Variants in SNX29 observed in about 807,000 individuals in gnomAD.
SNX29 encodes sorting nexin 29, also known as sorting nexin-29.
A neutral mutation model predicts 102.1 loss-of-function variants in SNX29; 78 were observed. That is an observed-to-expected ratio of 0.76 (90% CI 0.64 to 0.92). SNX29 has a LOEUF of 0.92. Among genes scored for constraint, SNX29 ranks in the 40% least tolerant of loss-of-function variants. The pLI, the probability that SNX29 is intolerant of heterozygous loss-of-function variation, is 0.00. For missense variants in SNX29, 1,280 were observed against 1,061.7 expected, an observed-to-expected ratio of 1.21 and a Z score of -2.86; for synonymous variants, 580 against 414.5, an observed-to-expected ratio of 1.40 and a Z score of -4.85.
intron 4 of SNX29, among the ~76,000 whole-genome samples, chr16:12,039,843 A>G (rs949717676): frequency 3.3e-5 from 5 of 152,116 alleles, no homozygotes; most frequent in African/African-American, 1.2e-4. Flanking sequence ...GAGTCGCTTC[A>G]CTTGTCCTGG....
In SNX29 at chr16:12,278,107, C is replaced by T; in HGVS notation, c.1782+71C>T. The T allele has an allele frequency of 3.6e-6, 5 of 1,377,070 alleles. No individual in the cohort carries two copies. The South Asian group carries it at 5.0e-5, about 14-fold the overall frequency. 85.3% of individuals were successfully genotyped at this position (1,377,070 alleles called of 1,614,324 possible). On this transcript the variant is annotated intron_variant, in intron 15 of 20. Coordinates refer to ENST00000566228, the MANE Select transcript of SNX29 (RefSeq NM_032167.5). ...CGTTGGAGACTTTCCAGGGTAGGTC[C>T]AGCCTATTCTAAAGACACGTGAGCA... is the stretch of plus-strand genomic sequence containing the variant.
intron 15 of SNX29, among the ~76,000 whole-genome samples, chr16:12,338,193 G>A (rs1297940184): frequency 6.6e-6 from 1 of 152,212 alleles, no homozygotes; most frequent in Non-Finnish European, 1.5e-5. Flanking sequence ...CGCCTCTGCA[G>A]TTTGCCGAAA....
At chr16:12,555,311 C>T (rs1031167112) in intron 20 of SNX29, among the ~76,000 whole-genome samples, 1 of 151,634 alleles carries the variant, frequency 6.6e-6, no homozygotes, top group Non-Finnish European at 1.5e-5. Flanking sequence ...CAATCCCTCT[C>T]ATAGCCCCAG....
chr16:12,045,286 T>C (rs1455531006), intron 5 of SNX29, among the ~76,000 whole-genome samples: 2 of 152,224 alleles, frequency 1.3e-5, no homozygotes, highest in East Asian at 1.9e-4. Flanking sequence ...CTACAGGTCA[T>C]GTATCCCTGA....
intron 14 of SNX29, among the ~76,000 whole-genome samples, chr16:12,256,690 A>G (rs1230185662): frequency 6.6e-6 from 1 of 152,160 alleles, no homozygotes; most frequent in Non-Finnish European, 1.5e-5. Context: ...AGTGCCTGCT[A>G]TGTGCCAGGT....
chr16:12,545,282 C>T (rs2077539481), intron 20 of SNX29, among the ~76,000 whole-genome samples: 1 of 152,204 alleles, frequency 6.6e-6, no homozygotes, highest in African/African-American at 2.4e-5. Context: ...AATTGGTTTG[C>T]CACTTCGCCC....
At chr16:12,527,886 A>G (rs28387054) in intron 20 of SNX29, among the ~76,000 whole-genome samples, 5,601 of 146,870 alleles carry the variant, frequency 0.038, 188 homozygotes, top group East Asian at 0.096. Flanking sequence ...GTCCAGTGGC[A>G]TGATCTCGGC....
intron 20 of SNX29, among the ~76,000 whole-genome samples, chr16:12,566,674 G>A (rs761387201): frequency 2.2e-5 from 3 of 138,950 alleles, no homozygotes; most frequent in Non-Finnish European, 3.1e-5. Context: ...GAGCATTCAG[G>A]GATAAAGAGG....
intron 19 of SNX29, among the ~76,000 whole-genome samples, chr16:12,508,072 TCA>T (rs778397267): frequency 1.3e-5 from 2 of 152,242 alleles, no homozygotes; most frequent in Non-Finnish European, 2.9e-5. Flanking sequence ...TCTGTGAGTT[TCA>T]GTGTTCTTAC....
At chr16:12,417,844 C>T (rs1284228129) in intron 18 of SNX29, among the ~76,000 whole-genome samples, 2 of 152,020 alleles carry the variant, frequency 1.3e-5, no homozygotes, top group African/African-American at 4.8e-5. Context: ...CTGCCTCTCC[C>T]TGTTTTTCTT....
At chr16:12,459,185 T>C (rs1416569153) in intron 18 of SNX29, among the ~76,000 whole-genome samples, 2 of 124,162 alleles carry the variant, frequency 1.6e-5, no homozygotes, top group African/African-American at 5.9e-5. Context: ...CCTACCCGCC[T>C]TTTCCCCCTT....
intron 20 of SNX29, among the ~76,000 whole-genome samples, chr16:12,545,330 G>A (rs376603376): frequency 7.5e-5 from 9 of 119,368 alleles, no homozygotes; most frequent in African/African-American, 2.1e-4. Context: ...CCAGAGAAAG[G>A]GTGTCACATA....
At chr16:12,558,217 A>C (rs759310768) in intron 20 of SNX29, among the ~76,000 whole-genome samples, 17 of 76,298 alleles carry the variant, frequency 2.2e-4, no homozygotes, top group Non-Finnish European at 3.9e-4. Flanking sequence ...GAACCATCAC[A>C]GAGCCTCTCT....
intron 15 of SNX29, among the ~76,000 whole-genome samples, chr16:12,300,930 G>A (rs2151097330): frequency 6.6e-6 from 1 of 152,212 alleles, no homozygotes; most frequent in Non-Finnish European, 1.5e-5. Context: ...GCCCTTGGAA[G>A]CAAAAATACC....
At chr16:11,999,254 T>C in intron 1 of SNX29, 43 bp from the exon 2 acceptor site, 1 of 1,600,072 alleles carries the variant, frequency 6.2e-7, no homozygotes, top group Non-Finnish European at 8.6e-7. Flanking sequence ...GACAGCCGTG[T>C]CCGAGCGTCA....
intron 20 of SNX29, among the ~76,000 whole-genome samples, 163 bp from the exon 21 acceptor site, chr16:12,568,343 G>A (rs1246847569): frequency 6.6e-6 from 1 of 151,442 alleles, no homozygotes; most frequent in Non-Finnish European, 1.5e-5. Flanking sequence ...GACAATAGGG[G>A]TTTCTCATTT....
At chr16:12,227,580 GT>G (rs1394182164) in intron 14 of SNX29, among the ~76,000 whole-genome samples, 1 of 152,116 alleles carries the variant, frequency 6.6e-6, no homozygotes, top group Non-Finnish European at 1.5e-5. Flanking sequence ...GGGAAAGTAA[GT>G]TCTCTAGATT....
chr16:11,994,425 T>C (rs1195001695), intron 1 of SNX29, among the ~76,000 whole-genome samples: 2 of 152,184 alleles, frequency 1.3e-5, no homozygotes, highest in East Asian at 3.9e-4. Flanking sequence ...TGTGGCAAAG[T>C]GTTTGCTGAA....
Position 12,570,893 on chromosome 16 carries a change from C to T in SNX29, c.*2264C>T, listed in dbSNP as rs1257222555. 1 of 230,112 alleles carries T rather than the reference C, an allele frequency of 4.3e-6. No homozygotes were observed. Among genetic ancestry groups the T allele is most frequent in the Non-Finnish European group, 8.6e-6 (1 of 116,868 alleles). The allele number at this position is 230,112 out of a possible 1,614,324, so 14.3% of individuals were successfully genotyped here. A position where few individuals can be genotyped will look rare whatever the true frequency, so the allele number is the denominator to read the frequency against. On this transcript the variant is annotated 3_prime_UTR_variant, in exon 21 of 21. Transcript: ENST00000566228. ...TACTTTTATAATACTGAATTATTCACAAAAAACCTGGTCTGCTCTCCAAAA... is the reference window on the plus strand; with the variant it reads ...TACTTTTATAATACTGAATTATTCATAAAAAACCTGGTCTGCTCTCCAAAA...
Sources: allele counts gnomAD v4.1 joint callset (sites outside exome capture counted in the v4.1 genomes callset), GRCh38; gene constraint gnomAD v4.1.1; transcripts MANE v1.5; gene names NCBI Gene and HGNC (gene_info 2026-07-23, HGNC 2026-07-21).